Variants in MCM9 observed in about 807,000 individuals in gnomAD.
MCM9 encodes the protein DNA helicase MCM9.
Under a neutral mutation model 72.8 loss-of-function variants are expected in MCM9, and 55 were observed. The observed-to-expected ratio is 0.76, with a 90% CI of 0.61 to 0.95. MCM9 has a LOEUF of 0.95. Among genes scored for constraint, MCM9 ranks in the 40% least tolerant of loss-of-function variants. MCM9 has a pLI of 0.00. For synonymous variants in MCM9, 480 were observed against 503.4 expected, an observed-to-expected ratio of 0.95 and a Z score of 0.62; for missense variants, 1,279 against 1,377.0, an observed-to-expected ratio of 0.93 and a Z score of 1.13.
At chr6:118,854,927 A>G (rs1776460039) in intron 9 of MCM9, among the ~76,000 whole-genome samples, 1 of 152,050 alleles carries the variant, frequency 6.6e-6, no homozygotes, top group South Asian at 2.1e-4. Context: ...TTGCTTTTTC[A>G]TTTCACATTT....
intron 1 of MCM9, chr6:118,934,352 T>C (rs1562444180): frequency 2.0e-5 from 3 of 152,270 alleles, no homozygotes; most frequent in Admixed American, 2.0e-4. Flanking sequence ...CCTTTTCTTA[T>C]TGAATATTTG....
chr6:118,914,704 C>T (rs1306515836), intron 6 of MCM9, among the ~76,000 whole-genome samples: 3 of 152,062 alleles, frequency 2.0e-5, no homozygotes, highest in Admixed American at 2.0e-4. Flanking sequence ...GAAGAAACAG[C>T]CCCAACAAAC....
At chr6:118,907,001 A>G (rs2114557091) in intron 8 of MCM9, among the ~76,000 whole-genome samples, 1 of 152,344 alleles carries the variant, frequency 6.6e-6, no homozygotes, top group African/African-American at 2.4e-5. Context: ...ATTAATAATA[A>G]GTTGTATTTG....
At chr6:118,900,727 T>C in intron 8 of MCM9, 1 of 1,361,844 alleles carries the variant, frequency 7.3e-7, no homozygotes, top group African/African-American at 1.4e-5. Context: ...GTAATGTAAT[T>C]ACTGAATATG....
At chr6:118,920,498 G>C (rs1781342044) in intron 5 of MCM9, 1 of 152,260 alleles carries the variant, frequency 6.6e-6, no homozygotes, top group Non-Finnish European at 1.5e-5. Flanking sequence ...CAAATCTCAT[G>C]TTGAGATATA....
intron 6 of MCM9, among the ~76,000 whole-genome samples, chr6:118,916,931 T>C (rs1051846441): frequency 2.0e-5 from 3 of 152,228 alleles, no homozygotes; most frequent in Non-Finnish European, 4.4e-5. Flanking sequence ...TTTATTTTTC[T>C]CAAAAGATGT....
intron 3 of MCM9, among the ~76,000 whole-genome samples, chr6:118,928,670 AC>A (rs1409988327): frequency 7.1e-6 from 1 of 141,698 alleles, no homozygotes. Context: ...CAACACAGAG[AC>A]CCCACCTCTA....
intron 4 of MCM9, among the ~76,000 whole-genome samples, chr6:118,922,729 C>T (rs1367089818): frequency 1.3e-5 from 2 of 152,056 alleles, no homozygotes; most frequent in African/African-American, 4.8e-5. Flanking sequence ...AGAAGAGAAG[C>T]CATGTATTAA....
chr6:118,882,727 A>C (rs963029562), intron 8 of MCM9, among the ~76,000 whole-genome samples: 1 of 152,102 alleles, frequency 6.6e-6, no homozygotes, highest in Non-Finnish European at 1.5e-5. Context: ...CACACACGTA[A>C]AGGCTGTTGC....
At chr6:118,832,693 T>C (rs868721605) in intron 9 of MCM9, among the ~76,000 whole-genome samples, 14 of 152,224 alleles carry the variant, frequency 9.2e-5, no homozygotes, top group Non-Finnish European at 7.3e-5. Context: ...TACTAATAAC[T>C]TGTGTAACCT....
chr6:118,930,992 T>C (rs897161116), intron 3 of MCM9, among the ~76,000 whole-genome samples: 6 of 152,194 alleles, frequency 3.9e-5, no homozygotes, highest in African/African-American at 1.4e-4. Flanking sequence ...GAGTAACTGG[T>C]AGGTAGACTG....
chr6:118,893,963 C>CCCGCGGCCA, intron 8 of MCM9: 1 of 969,004 alleles, frequency 1.0e-6, no homozygotes, highest in Non-Finnish European at 1.2e-6. Context: ...CACGCCCCCT[C>CCCGCGGCCA]CGCCCCTCTC....
At chr6:118,894,328 G>A (rs1779191505) in intron 8 of MCM9, 3 of 1,526,720 alleles carry the variant, frequency 2.0e-6, no homozygotes, top group Non-Finnish European at 2.6e-6. Context: ...TGGAGCGGGG[G>A]TCTGCGCTCT....
chr6:118,833,917 T>G (rs963517053), intron 9 of MCM9, among the ~76,000 whole-genome samples: 3 of 152,198 alleles, frequency 2.0e-5, no homozygotes, highest in Admixed American at 6.5e-5. Flanking sequence ...GGGATATATG[T>G]GCAGAATGTG....
intron 8 of MCM9, among the ~76,000 whole-genome samples, chr6:118,859,232 G>C (rs1371153727): frequency 6.6e-6 from 1 of 152,142 alleles, no homozygotes; most frequent in Non-Finnish European, 1.5e-5. Flanking sequence ...AATGAATCTT[G>C]ATCATACCTC....
chr6:118,862,087 T>G (rs1462205409), intron 8 of MCM9, among the ~76,000 whole-genome samples: 1 of 152,224 alleles, frequency 6.6e-6, no homozygotes, highest in Non-Finnish European at 1.5e-5. Context: ...CAGGCTTGGC[T>G]TCAACTTTGC....
At chr6:118,844,984 C>G (rs1775759325) in intron 9 of MCM9, among the ~76,000 whole-genome samples, 1 of 151,878 alleles carries the variant, frequency 6.6e-6, no homozygotes, top group South Asian at 2.1e-4. Context: ...ACAGGAACAG[C>G]TGCCCACAGC....
At chr6:118,902,849 T>C (rs934215549) in intron 8 of MCM9, among the ~76,000 whole-genome samples, 1 of 152,202 alleles carries the variant, frequency 6.6e-6, no homozygotes, top group African/African-American at 2.4e-5. Flanking sequence ...AAAACTACTA[T>C]AGTAATCTCT....
In MCM9 at chr6:118,923,977, T is replaced by C. The variant is rs754872940; in HGVS notation, c.455A>G (p.His152Arg). ...AAAGTCAGCCTTGATCACAAACACA[T>C]GCTTGCATTTGTTACACATGTAATC... ...ERDYMCNKCK[H>R]VFVIKADFEQ... Residue 152 changes from histidine (H) to arginine (R), a missense_variant, in exon 4 of 14, where the codon CAT (histidine) becomes CGT (arginine). Physicochemically the swap from His to Arg is conservative, Grantham distance 29. Coordinates refer to ENST00000619706, the MANE Select transcript of MCM9 (RefSeq NM_017696.3). 4.3e-6 allele frequency: 7 copies of C among 1,614,212 alleles called. No individual in the cohort carries two copies. The Admixed American group carries it at 5.0e-5, about 12-fold the overall frequency.
Sources: allele counts gnomAD v4.1 joint callset (sites outside exome capture counted in the v4.1 genomes callset), GRCh38; gene constraint gnomAD v4.1.1; transcripts MANE v1.5; gene names NCBI Gene and HGNC (gene_info 2026-07-23, HGNC 2026-07-21).